Variants in CEACAM20 observed in about 807,000 individuals in gnomAD.
The protein encoded by CEACAM20 is cell adhesion molecule CEACAM20.
Under a neutral mutation model 61.2 loss-of-function variants are expected in CEACAM20, and 50 were observed. That is an observed-to-expected ratio of 0.82 (90% confidence interval 0.65 to 1.03). The LOEUF (loss-of-function observed/expected upper bound fraction) is 1.03. Ranked by LOEUF, CEACAM20 falls within the 50% of genes least tolerant of loss-of-function variation. The pLI, the probability that CEACAM20 is intolerant of heterozygous loss-of-function variation, is 0.00. For missense variants in CEACAM20, 683 were observed against 736.4 expected (o/e 0.93, Z 0.84); for synonymous variants, 282 against 287.7 (o/e 0.98, Z 0.20).
At chr19:44,510,596 GA>G (rs1348333394) in intron 11 of CEACAM20, among the ~76,000 whole-genome samples, 2 of 62,780 alleles carry the variant, frequency 3.2e-5, no homozygotes, top group Non-Finnish European at 5.8e-5. Context: ...AAGAAAGAAA[GA>G]AAGAAAGAAA....
chr19:44,519,526 C>T (rs1239192425), intron 5 of CEACAM20, among the ~76,000 whole-genome samples: 1 of 152,154 alleles, frequency 6.6e-6, no homozygotes, highest in Admixed American at 6.6e-5. Flanking sequence ...GAAACCTCTT[C>T]TCCCCCAATC....
At chr19:44,523,507 C>T (rs769296660) in intron 3 of CEACAM20, among the ~76,000 whole-genome samples, 90 of 152,086 alleles carry the variant, frequency 5.9e-4, no homozygotes, top group Non-Finnish European at 9.1e-4. Context: ...TTGGATCAAA[C>T]GTCTGAGGTT....
chr19:44,528,240 C>CT (rs995571795), intron 1 of CEACAM20, among the ~76,000 whole-genome samples: 31 of 122,542 alleles, frequency 2.5e-4, no homozygotes, highest in African/African-American at 8.8e-4. Flanking sequence ...TCTTCTTTTT[C>CT]TTTTTTTTGA....
At chr19:44,517,329 T>C (rs959352079) in intron 5 of CEACAM20, 105 bp from the exon 6 acceptor site, 7 of 1,359,662 alleles carry the variant, frequency 5.1e-6, no homozygotes, top group East Asian at 2.3e-5. Flanking sequence ...AAACAGAACA[T>C]ACTCCCTTTT....
At chr19:44,506,352 C>T (rs535540417) in intron 11 of CEACAM20, 138 bp from the exon 12 acceptor site, 15 of 677,932 alleles carry the variant, frequency 2.2e-5, no homozygotes, top group Middle Eastern at 3.2e-4. Context: ...TCTCATCACA[C>T]TTTAGTAACC....
intron 2 of CEACAM20, 58 bp from the exon 3 acceptor site, chr19:44,524,319 ACATAGT>A (rs2123628644): frequency 6.5e-7 from 1 of 1,546,486 alleles, no homozygotes; most frequent in Non-Finnish European, 8.8e-7. Context: ...AACAAACAAG[ACATAGT>A]CACAGAGGGA....
At chr19:44,526,850 G>A (rs1894325268) in intron 1 of CEACAM20, among the ~76,000 whole-genome samples, 1 of 151,832 alleles carries the variant, frequency 6.6e-6, no homozygotes, top group Non-Finnish European at 1.5e-5. Context: ...CTCCAGCCTG[G>A]GTGACAGAGC....
chr19:44,516,985 C>A lies in CEACAM20; in HGVS notation c.1270G>T (p.Gly424Cys). The A allele has an allele frequency of 6.3e-7, 1 of 1,599,234 alleles. No homozygotes were observed. Among genetic ancestry groups the A allele is most frequent in the Non-Finnish European group, 8.5e-7 (1 of 1,173,340 alleles). Residue 424 changes from glycine (G) to cysteine (C), a missense_variant, in exon 6 of 12, where the codon GGC becomes TGC. Transcript: ENST00000614924. ...YNCTASNSLT[G>C]LARSTSVLVK... ...AGGACTGAAGTGGAGCGGGCCAGGCCAGTGAGAGAGTTGGAGGCTGTGCAG... is the reference window on the plus strand; with the variant it reads ...AGGACTGAAGTGGAGCGGGCCAGGCAAGTGAGAGAGTTGGAGGCTGTGCAG...
chr19:44,520,662 T>C lies in CEACAM20; in HGVS notation c.842A>G (p.Gln281Arg), dbSNP rs1971331361. ...TAGGAACCACTGGACATTCACACTC[T>C]GATTGACGGTTTGGCAGGTCAGGTC... Reference protein sequence around the residue: ...SVDLTCQTVNQSVNVQWFLSG... With the variant: ...SVDLTCQTVNRSVNVQWFLSG... The change falls in exon 5 of 12, where the codon CAG becomes CGG. Residue 281 changes from glutamine (Q) to arginine (R), a missense_variant. By Grantham distance (43) the Gln-to-Arg change is conservative. Transcript: ENST00000614924. The C allele has an allele frequency of 9.3e-6, 15 of 1,614,026 alleles. No individual in the cohort carries two copies. The highest frequency in any genetic ancestry group is 1.2e-5 in the Non-Finnish European group (14 of 1,179,880).
chr19:44,516,795 GTTGGGA>G, intron 6 of CEACAM20, 145 bp downstream of exon 6: 1 of 788,168 alleles, frequency 1.3e-6, no homozygotes, highest in Non-Finnish European at 2.0e-6. Context: ...ACCACTAGGG[GTTGGGA>G]TTCAACAGCT....
At chr19:44,528,145 T>C (rs566127981) in intron 1 of CEACAM20, among the ~76,000 whole-genome samples, 29 of 133,998 alleles carry the variant, frequency 2.2e-4, no homozygotes, top group African/African-American at 9.7e-4. Flanking sequence ...TCTTTCTTTC[T>C]TTTCTTTCTT....
intron 1 of CEACAM20, among the ~76,000 whole-genome samples, chr19:44,528,739 CTTCT>C (rs1971613890): frequency 6.6e-6 from 1 of 151,832 alleles, no homozygotes; most frequent in Non-Finnish European, 1.5e-5. Context: ...TTTATGTCTC[CTTCT>C]GTCAGTCTCT....
At chr19:44,519,819 ACTC>A (rs1971299195) in intron 5 of CEACAM20, among the ~76,000 whole-genome samples, 1 of 151,486 alleles carries the variant, frequency 6.6e-6, no homozygotes, top group South Asian at 2.1e-4. Context: ...CCCCAAATCT[ACTC>A]CCAGCCCTTC....
chr19:44,507,614 G>C (rs760489649), intron 11 of CEACAM20, among the ~76,000 whole-genome samples: 1 of 152,166 alleles, frequency 6.6e-6, no homozygotes, highest in Non-Finnish European at 1.5e-5. Context: ...AGAGGCCCAG[G>C]AGTAATTTCT....
chr19:44,516,688 C>T (rs1244452713), intron 6 of CEACAM20, among the ~76,000 whole-genome samples: 2 of 152,184 alleles, frequency 1.3e-5, no homozygotes, highest in Non-Finnish European at 2.9e-5. Context: ...TAATACACAT[C>T]ACAAACCCAA....
intron 6 of CEACAM20, among the ~76,000 whole-genome samples, chr19:44,515,146 CT>C (rs1183099072): frequency 6.6e-6 from 1 of 151,986 alleles, no homozygotes; most frequent in African/African-American, 2.4e-5. Context: ...CCTCTATAGA[CT>C]TTTGAAGGGA....
Position 44,524,243 on chromosome 19 carries a change from A to G in CEACAM20, c.215T>C (p.Ile72Thr), listed in dbSNP as rs748368770. Residue 72 changes from isoleucine (I) to threonine (T), a missense_variant, in exon 3 of 12, where the codon ATT (isoleucine) becomes ACT (threonine). By Grantham distance (89) the Ile-to-Thr change is moderately conservative (BLOSUM62 -1). Coordinates refer to ENST00000614924, the MANE Select transcript of CEACAM20 (RefSeq NM_001102597.3). ...GRSRELAKPS[I>T]AVSPGTAIEQ... ...TATGGCAGTGCCTGGGCTGACTGCA[A>G]TGGAGGGTTTGGCCAGCTCTGAAAG... 19 of 1,613,382 alleles carry G rather than the reference A, an allele frequency of 1.2e-5. No homozygotes were observed. Among genetic ancestry groups the G allele is most frequent in the Non-Finnish European group, 1.5e-5 (18 of 1,179,512 alleles).
At chr19:44,515,664 C>T (rs1025301937) in intron 6 of CEACAM20, among the ~76,000 whole-genome samples, 1 of 152,070 alleles carries the variant, frequency 6.6e-6, no homozygotes, top group African/African-American at 2.4e-5. Context: ...GGCACAGGCT[C>T]AATAAATAAT....
intron 8 of CEACAM20, among the ~76,000 whole-genome samples, chr19:44,512,537 A>T (rs1351955501): frequency 1.3e-5 from 2 of 152,194 alleles, no homozygotes; most frequent in Non-Finnish European, 2.9e-5. Context: ...GAGATATGTT[A>T]TGAGGCTGGA....
Sources: gnomAD v4.1 joint callset for allele counts (sites outside exome capture counted in the v4.1 genomes callset) on GRCh38, gnomAD v4.1.1 for gene constraint, MANE v1.5 for transcripts, NCBI Gene and HGNC (gene_info 2026-07-23, HGNC 2026-07-21) for gene names.